The following MACROD2 variants were observed in gnomAD, a reference collection of about 807,000 sequenced individuals.
MACROD2 encodes ADP-ribose glycohydrolase MACROD2.
Under a neutral mutation model 70.4 loss-of-function variants are expected in MACROD2, and 36 were observed. The ratio of observed to expected loss-of-function variants is 0.51; its 90% CI spans 0.39 to 0.68. The LOEUF is 0.68. Among genes scored for constraint, MACROD2 ranks in the 30% least tolerant of loss-of-function variants. The pLI is 0.00. For missense variants in MACROD2, 496 were observed against 538.4 expected (o/e 0.92, Z 0.78); for synonymous variants, 172 against 178.8 (o/e 0.96, Z 0.30).
chr20:15,688,197 C>A (rs1376586066), intron 8 of MACROD2, among the ~76,000 whole-genome samples: 1 of 152,116 alleles, frequency 6.6e-6, no homozygotes, highest in Non-Finnish European at 1.5e-5. Flanking sequence ...ATCTAAGAAA[C>A]ACTAAAAAGT....
intron 3 of MACROD2, among the ~76,000 whole-genome samples, chr20:14,384,910 A>G (rs2083455180): frequency 6.6e-6 from 1 of 152,124 alleles, no homozygotes; most frequent in African/African-American, 2.4e-5. Flanking sequence ...CCCTGCCAAG[A>G]AACCTGTTTT....
At chr20:14,459,934 T>A (rs2084348647) in intron 3 of MACROD2, among the ~76,000 whole-genome samples, 1 of 152,080 alleles carries the variant, frequency 6.6e-6, no homozygotes, top group African/African-American at 2.4e-5. Flanking sequence ...GTCTATGTAT[T>A]TTCATTGTTC....
intron 6 of MACROD2, 101 bp downstream of exon 6, chr20:15,230,162 T>A (rs1388866740): frequency 8.4e-7 from 1 of 1,195,086 alleles, no homozygotes; most frequent in Non-Finnish European, 1.1e-6. Context: ...TCCAAACTTT[T>A]GAGAACTAAG....
intron 8 of MACROD2, among the ~76,000 whole-genome samples, chr20:15,706,362 A>G (rs2050531929): frequency 6.6e-6 from 1 of 152,228 alleles, no homozygotes; most frequent in Non-Finnish European, 1.5e-5. Flanking sequence ...TAAGATTCTT[A>G]TACCTGGAAA....
intron 3 of MACROD2, among the ~76,000 whole-genome samples, chr20:14,250,540 G>T (rs988581239): frequency 1.4e-4 from 22 of 152,274 alleles, no homozygotes; most frequent in African/African-American, 4.3e-4. Flanking sequence ...GGAGTGCCCT[G>T]TTTGAGCCAT....
At chr20:15,048,566 T>C (rs2075414113) in intron 5 of MACROD2, among the ~76,000 whole-genome samples, 1 of 152,064 alleles carries the variant, frequency 6.6e-6, no homozygotes, top group South Asian at 2.1e-4. Flanking sequence ...CAAATAAATA[T>C]ACATACATAT....
At chr20:14,598,683 A>G (rs1311356689) in intron 4 of MACROD2, among the ~76,000 whole-genome samples, 1 of 152,192 alleles carries the variant, frequency 6.6e-6, no homozygotes, top group African/African-American at 2.4e-5. Flanking sequence ...TTTGCTGTGA[A>G]GCTTTCCCAA....
chr20:15,555,588 G>T (rs1025593364), intron 8 of MACROD2, among the ~76,000 whole-genome samples: 1 of 151,906 alleles, frequency 6.6e-6, no homozygotes, highest in African/African-American at 2.4e-5. Flanking sequence ...TTGGGACAAT[G>T]AATTTTGAAA....
intron 8 of MACROD2, among the ~76,000 whole-genome samples, chr20:15,576,925 A>G (rs2048456137): frequency 1.3e-5 from 2 of 152,134 alleles, no homozygotes; most frequent in South Asian, 2.1e-4. Context: ...TGTTTTATGC[A>G]TAACGGCAGT....
intron 5 of MACROD2, among the ~76,000 whole-genome samples, chr20:14,960,555 A>G (rs1233170262): frequency 6.6e-6 from 1 of 152,182 alleles, no homozygotes; most frequent in Non-Finnish European, 1.5e-5. Flanking sequence ...ATATGCTGCA[A>G]TGCATCTACC....
Position 14,055,469 on chromosome 20 carries a change from C to T in MACROD2, c.164-30152C>T, listed in dbSNP as rs184526178. Among the ~76,000 whole-genome samples, 84 of 146,042 alleles carry T rather than the reference C, an allele frequency of 5.8e-4. 1 individual carries two copies. The highest frequency in any genetic ancestry group is 1.0e-3 in the Non-Finnish European group (70 of 67,100). On this transcript the variant is annotated intron_variant, in intron 2 of 17. Transcript: ENST00000684519. ...TCTTCCATTAGTTATTCTTATTCTC[C>T]TTTAATGGCATTAGGGAAAGATCAG...
intron 6 of MACROD2, among the ~76,000 whole-genome samples, chr20:15,251,056 A>G (rs2077151624): frequency 2.0e-5 from 3 of 152,196 alleles, no homozygotes. Context: ...TTGTGAGAAC[A>G]GAAAGGATTT....
At chr20:15,545,226 C>T (rs1373750368) in intron 8 of MACROD2, among the ~76,000 whole-genome samples, 1 of 152,138 alleles carries the variant, frequency 6.6e-6, no homozygotes, top group East Asian at 1.9e-4. Flanking sequence ...ACTGGCAAGA[C>T]AGAAAGACAA....
chr20:14,159,318 G>A (rs1159726186), intron 3 of MACROD2, among the ~76,000 whole-genome samples: 1 of 152,104 alleles, frequency 6.6e-6, no homozygotes, highest in Non-Finnish European at 1.5e-5. Flanking sequence ...AGATTGTTTT[G>A]GGCATTATGG....
At chr20:15,017,383 G>C (rs2075129781) in intron 5 of MACROD2, among the ~76,000 whole-genome samples, 1 of 152,216 alleles carries the variant, frequency 6.6e-6, no homozygotes, top group South Asian at 2.1e-4. Flanking sequence ...GCCTTGGGCA[G>C]CTCCACCCCT....
At chr20:14,930,629 T>G (rs952762396) in intron 5 of MACROD2, among the ~76,000 whole-genome samples, 2 of 152,052 alleles carry the variant, frequency 1.3e-5, no homozygotes, top group Non-Finnish European at 1.5e-5. Flanking sequence ...GAGCTGGTAC[T>G]CAATAACAGT....
At chr20:16,022,052 T>C (rs968913908) in intron 15 of MACROD2, among the ~76,000 whole-genome samples, 16 of 144,002 alleles carry the variant, frequency 1.1e-4, no homozygotes, top group Non-Finnish European at 7.6e-5. Flanking sequence ...AGTTTCTTTT[T>C]TTTTTTTTTT....
At chr20:15,499,982 A>C in intron 8 of MACROD2, 135 bp downstream of exon 8, 2 of 733,426 alleles carry the variant, frequency 2.7e-6, no homozygotes, top group Non-Finnish European at 4.6e-6. Context: ...ACCATTCTTC[A>C]CTTGGGTTAC....
intron 5 of MACROD2, among the ~76,000 whole-genome samples, chr20:14,736,994 G>A (rs1249900592): frequency 6.6e-6 from 1 of 151,950 alleles, no homozygotes; most frequent in Non-Finnish European, 1.5e-5. Flanking sequence ...TGGGACACGT[G>A]TGCAGAATGT....
Sources: gnomAD v4.1 joint callset for allele counts (sites outside exome capture counted in the v4.1 genomes callset) on GRCh38, gnomAD v4.1.1 for gene constraint, MANE v1.5 for transcripts, NCBI Gene and HGNC (gene_info 2026-07-23, HGNC 2026-07-21) for gene names.